Variants in PRICKLE4 observed in about 807,000 individuals in gnomAD.
PRICKLE4 encodes the protein prickle-like protein 4.
Under a neutral mutation model 43.5 loss-of-function variants are expected in PRICKLE4, and 40 were observed. The observed-to-expected ratio is 0.92, with a 90% CI of 0.71 to 1.20. PRICKLE4 has a LOEUF of 1.20. Ranked by LOEUF, PRICKLE4 falls within the 50% of genes most tolerant of loss-of-function variation. The pLI is 0.00. For missense variants in PRICKLE4, 527 were observed against 491.2 expected (o/e 1.07, Z -0.69); for synonymous variants, 208 against 197.4 (o/e 1.05, Z -0.45).
Position 41,787,295 on chromosome 6 carries a change from G to C in PRICKLE4, c.*166G>C. Reference sequence around the variant, plus strand: ...GAGTGCGCCCCCTTCAGTACTGCGCGTTCTAAGACTTTTGGCGGAGACTTT... The same window carrying C: ...GAGTGCGCCCCCTTCAGTACTGCGCCTTCTAAGACTTTTGGCGGAGACTTT... On this transcript the variant is annotated 3_prime_UTR_variant, in exon 8 of 8. Transcript: ENST00000458694. 1.0e-6 allele frequency: 1 copy of C among 998,808 alleles called. No homozygotes were observed. Among genetic ancestry groups the C allele is most frequent in the African/African-American group, 1.6e-5 (1 of 61,364 alleles). 61.9% of individuals were successfully genotyped at this position (998,808 alleles called of 1,614,324 possible).
At chr6:41,780,931 CCCG>C (rs1772539553) in intron 1 of PRICKLE4, 105 bp downstream of exon 1, 1 of 163,872 alleles carries the variant, frequency 6.1e-6, no homozygotes, top group African/African-American at 2.4e-5. Flanking sequence ...CGGAGGCGGG[CCCG>C]CCAAGTTCCA....
rs1169631918 is a variant in PRICKLE4, at chr6:41,784,135, C to T, written c.137C>T (p.Pro46Leu). The change falls in exon 4 of 8, where the codon CCT becomes CTT. Residue 46 changes from proline (P) to leucine (L), a missense_variant. Transcript: ENST00000458694. The part of the protein sequence containing the change: ...EDPEDTHAQG[P>L]AVLSLGSLCL... ...CCTTCTTCCATGTCTCCTCAGGGTC[C>T]TGCAGTTCTGAGCTTGGGTTCCCTT... 3.7e-6 allele frequency: 6 copies of T among 1,612,686 alleles called. No homozygotes were observed. The African/African-American group carries it at 8.0e-5, about 22-fold the overall frequency.
chr6:41,787,160 G>C lies in PRICKLE4; in HGVS notation c.*31G>C, dbSNP rs761583315. The C allele has an allele frequency of 6.4e-7, 1 of 1,561,960 alleles. No individual in the cohort carries two copies. The highest frequency in any genetic ancestry group is 2.2e-5 in the East Asian group (1 of 44,500). On this transcript the variant is annotated 3_prime_UTR_variant, in exon 8 of 8. Coordinates refer to ENST00000458694, the MANE Select transcript of PRICKLE4 (RefSeq NM_013397.6). ...CAGCTCAGAGAGGGGATGTGAGTGG[G>C]AGGAAAGGGGTCTGTAAAGCGGGAG...
chr6:41,786,718 C>A (rs746379641), intron 7 of PRICKLE4, 44 bp from the exon 8 acceptor site: 1 of 1,611,432 alleles, frequency 6.2e-7, no homozygotes, highest in Non-Finnish European at 8.5e-7. Context: ...GTAGGTCCAG[C>A]TCCGCGGCTC....
chr6:41,784,518 TAG>T (rs965517197), intron 4 of PRICKLE4, among the ~76,000 whole-genome samples: 10 of 152,194 alleles, frequency 6.6e-5, no homozygotes, highest in African/African-American at 2.2e-4. Context: ...TGTACAAATG[TAG>T]AGAGTATGGT....
chr6:41,787,177 A>T lies in PRICKLE4; in HGVS notation c.*48A>T. On this transcript the variant is annotated 3_prime_UTR_variant, in exon 8 of 8. Transcript: ENST00000458694. Reference sequence around the variant, plus strand: ...GTGAGTGGGAGGAAAGGGGTCTGTAAAGCGGGAGAACAAGGCTAGCCTCCC... The same window carrying T: ...GTGAGTGGGAGGAAAGGGGTCTGTATAGCGGGAGAACAAGGCTAGCCTCCC... 6.5e-7 allele frequency: 1 copy of T among 1,535,630 alleles called. No individual in the cohort carries two copies. The highest frequency in any genetic ancestry group is 2.0e-5 in the Admixed American group (1 of 50,012).
At position 41,784,985 on chromosome 6, in the gene PRICKLE4, C is replaced by A; in HGVS notation, c.291C>A (p.Leu97=). 2 of 1,613,964 alleles carry A rather than the reference C, an allele frequency of 1.2e-6. No homozygotes were observed. Among genetic ancestry groups the A allele is most frequent in the Non-Finnish European group, 1.7e-6 (2 of 1,179,942 alleles). The part of the protein sequence containing the change: ...LGEEERAELQ[L]FCARRKQEAL... Reference sequence around the variant, plus strand: ...AGGAGGAGCGGGCCGAGCTGCAGCTCTTCTGTGCCAGGCGGAAGCAGGAAG... The same window carrying A: ...AGGAGGAGCGGGCCGAGCTGCAGCTATTCTGTGCCAGGCGGAAGCAGGAAG... The change falls in exon 5 of 8, where the codon CTC becomes CTA. Residue 97 remains leucine, a synonymous_variant. Coordinates refer to ENST00000458694, the MANE Select transcript of PRICKLE4 (RefSeq NM_013397.6).
intron 6 of PRICKLE4, 61 bp downstream of exon 6, chr6:41,785,601 G>T: frequency 6.6e-7 from 1 of 1,521,726 alleles, no homozygotes; most frequent in South Asian, 1.2e-5. Flanking sequence ...AGGATACAAA[G>T]GGACACTCTC....
chr6:41,787,156 G>A lies in PRICKLE4; in HGVS notation c.*27G>A. ...GGCGCAGCTCAGAGAGGGGATGTGA[G>A]TGGGAGGAAAGGGGTCTGTAAAGCG... On this transcript the variant is annotated 3_prime_UTR_variant, in exon 8 of 8. Transcript: ENST00000458694. 6.4e-7 allele frequency: 1 copy of A among 1,572,808 alleles called. No homozygotes were observed. Among genetic ancestry groups the A allele is most frequent in the South Asian group, 1.1e-5 (1 of 87,264 alleles).
Position 41,787,389 on chromosome 6 carries a change from G to A in PRICKLE4, c.*260G>A, listed in dbSNP as rs1772685044. The A allele has an allele frequency of 4.8e-6, 3 of 619,876 alleles. No homozygotes were observed. Among genetic ancestry groups the A allele is most frequent in the South Asian group, 4.4e-5 (2 of 45,930 alleles). The allele number at this position is 619,876 out of a possible 1,614,324, so 38.4% of individuals were successfully genotyped here. A position where few individuals can be genotyped will look rare whatever the true frequency, so the allele number is the denominator to read the frequency against. On this transcript the variant is annotated 3_prime_UTR_variant, in exon 8 of 8. Transcript: ENST00000458694. ...ATAGCCCCTACCCCCACCTCCACAG[G>A]CTGGGACAGCCCCGTCCCCACCATC...
At chr6:41,784,438 C>T (rs568278090) in intron 4 of PRICKLE4, among the ~76,000 whole-genome samples, 200 bp downstream of exon 4, 1 of 152,310 alleles carries the variant, frequency 6.6e-6, no homozygotes, top group South Asian at 2.1e-4. Flanking sequence ...TCTGCTCTGC[C>T]CACCACAATG....
Position 41,784,148 on chromosome 6 carries a change from C to T in PRICKLE4, c.150C>T (p.Ser50=). 2 of 1,613,926 alleles carry T rather than the reference C, an allele frequency of 1.2e-6. No homozygotes were observed. Among genetic ancestry groups the T allele is most frequent in the Non-Finnish European group, 1.7e-6 (2 of 1,179,852 alleles). Reference sequence around the variant, plus strand: ...CTCCTCAGGGTCCTGCAGTTCTGAGCTTGGGTTCCCTTTGCCTGGACACCA... The same window carrying T: ...CTCCTCAGGGTCCTGCAGTTCTGAGTTTGGGTTCCCTTTGCCTGGACACCA... The part of the protein sequence containing the change: ...DTHAQGPAVL[S]LGSLCLDTNQ... The change falls in exon 4 of 8, where the codon AGC becomes AGT. Residue 50 remains serine (S), a synonymous_variant. Transcript: ENST00000458694.
chr6:41,782,407 T>TTTG (rs1772567958), intron 2 of PRICKLE4, among the ~76,000 whole-genome samples: 1 of 133,954 alleles, frequency 7.5e-6, no homozygotes, highest in Admixed American at 7.8e-5. Context: ...TTTTTTTTTT[T>TTTG]GAGACGGAGT....
rs1581980080 is a variant in PRICKLE4, at chr6:41,786,653, C to T, written c.788-109C>T. ...CTCTCGGCGGCGGCGGCGGCGCGCACGGCCCAGGGGCTGGGCGGGGCGGGA... is the reference window on the plus strand; with the variant it reads ...CTCTCGGCGGCGGCGGCGGCGCGCATGGCCCAGGGGCTGGGCGGGGCGGGA... On this transcript the variant is annotated intron_variant, in intron 7 of 7. Coordinates refer to ENST00000458694, the MANE Select transcript of PRICKLE4 (RefSeq NM_013397.6). 6.6e-6 allele frequency: 10 copies of T among 1,512,680 alleles called. No individual in the cohort carries two copies. The East Asian group carries it at 7.6e-5, about 11-fold the overall frequency. 93.7% of individuals were successfully genotyped at this position (1,512,680 alleles called of 1,614,324 possible). A position where few individuals can be genotyped will look rare whatever the true frequency, so the allele number is the denominator to read the frequency against.
At position 41,783,562 on chromosome 6, in the gene PRICKLE4, C is replaced by A; in HGVS notation, c.89C>A (p.Ser30Ter). ...PGPPANSDSD[S>*]GHLPGEDPED... The stretch of plus-strand genomic sequence containing the variant: ...CCACCAGCCAACTCAGACAGTGACT[C>A]AGGCCACCTGCCGGGGGAGGACCCT... Residue 30 changes from serine to a stop codon, truncating the protein, a stop_gained, in exon 3 of 8, where the codon TCA (serine) becomes TAA (stop). Transcript: ENST00000458694. LOFTEE classifies it high-confidence loss of function. 6.2e-7 allele frequency: 1 copy of A among 1,613,726 alleles called. No individual in the cohort carries two copies. Among genetic ancestry groups the A allele is most frequent in the Admixed American group, 1.7e-5 (1 of 59,966 alleles).
chr6:41,786,798 A>T lies in PRICKLE4; in HGVS notation c.824A>T (p.Gln275Leu), dbSNP rs774775775. 2.4e-5 allele frequency: 39 copies of T among 1,610,176 alleles called. 1 individual carries two copies. The highest frequency in any genetic ancestry group is 2.8e-5 in the Non-Finnish European group (33 of 1,178,472). Residue 275 changes from glutamine to leucine, a missense_variant, in exon 8 of 8, where the codon CAA becomes CTA. Coordinates refer to ENST00000458694, the MANE Select transcript of PRICKLE4 (RefSeq NM_013397.6). ...CTCGACCGAACTGAAGGAAGGGACCAAACCTCGGTGAACTCTGCAACCCTC... is the reference window on the plus strand; with the variant it reads ...CTCGACCGAACTGAAGGAAGGGACCTAACCTCGGTGAACTCTGCAACCCTC... ...TGLDRTEGRDQTSVNSATLSR... is the reference protein window; with the variant it reads ...TGLDRTEGRDLTSVNSATLSR...
At chr6:41,783,977 CTCAG>C in intron 3 of PRICKLE4, 150 bp from the exon 4 acceptor site, 1 of 677,948 alleles carries the variant, frequency 1.5e-6, no homozygotes, top group Middle Eastern at 3.3e-4. Flanking sequence ...TATCCTTGCA[CTCAG>C]TGAGGATCTG....
chr6:41,787,247 G>A lies in PRICKLE4; in HGVS notation c.*118G>A. On this transcript the variant is annotated 3_prime_UTR_variant, in exon 8 of 8. Coordinates refer to ENST00000458694, the MANE Select transcript of PRICKLE4 (RefSeq NM_013397.6). ...GACGCAGTCAGGCGCACGCCCGCAA[G>A]AGGCGGCGAGGTGACAAGTTTGGAG... 7.1e-7 allele frequency: 1 copy of A among 1,399,752 alleles called. No homozygotes were observed. The highest frequency in any genetic ancestry group is 9.4e-7 in the Non-Finnish European group (1 of 1,063,860). The allele number at this position is 1,399,752 out of a possible 1,614,324, so 86.7% of individuals were successfully genotyped here.
intron 4 of PRICKLE4, chr6:41,784,727 G>A: frequency 1.6e-6 from 1 of 614,944 alleles, no homozygotes; most frequent in East Asian, 2.9e-5. Flanking sequence ...CCTGATTGAT[G>A]ACATTCCTAG....
Sources: allele counts gnomAD v4.1 joint callset (sites outside exome capture counted in the v4.1 genomes callset), GRCh38; gene constraint gnomAD v4.1.1; transcripts MANE v1.5; gene names NCBI Gene and HGNC (gene_info 2026-07-23, HGNC 2026-07-21).